The following KCP variants were observed in gnomAD, a reference collection of about 807,000 sequenced individuals.
The protein encoded by KCP is kielin cysteine rich BMP regulator, also known as kielin/chordin-like protein.
KCP carries 194 observed loss-of-function variants against 212.7 expected under a neutral mutation model. The observed-to-expected ratio is 0.91, with a 90% CI of 0.81 to 1.03. The LOEUF (loss-of-function observed/expected upper bound fraction) is 1.03, where lower values mean the gene tolerates loss of function less well. Ranked by LOEUF, KCP falls within the 50% of genes least tolerant of loss-of-function variation. The pLI is 0.00. For missense variants in KCP, 2,080 were observed against 2,162.5 expected (o/e 0.96, Z 0.76); for synonymous variants, 833 against 865.3 (o/e 0.96, Z 0.65).
At chr7:128,878,239 G>A (rs2128943905) in intron 38 of KCP, among the ~76,000 whole-genome samples, 1 of 152,092 alleles carries the variant, frequency 6.6e-6, no homozygotes. Flanking sequence ...TGTATTTTTA[G>A]TAGAGATGGG....
At chr7:128,878,216 G>T (rs1476040385) in intron 38 of KCP, among the ~76,000 whole-genome samples, 3 of 151,996 alleles carry the variant, frequency 2.0e-5, no homozygotes, top group Admixed American at 6.6e-5. Context: ...GCACCACCAG[G>T]CTGGGCTAAT....
rs1050930100 is a variant in KCP, at chr7:128,880,079, C to T, written c.3766G>A (p.Ala1256Thr). Residue 1256 changes from alanine (A) to threonine (T), a missense_variant, in exon 35 of 40, where the codon GCC becomes ACC. Coordinates refer to ENST00000610776, the MANE Select transcript of KCP (RefSeq NM_001366122.1). ...CAGCTGCCAGGACTCAGGGCAGGGG[C>T]CTTGTCCTGCACTCAGCCCCAGACA... ...CSPLSCGPDK[A>T]PALSPGSCCP... is the part of the protein sequence containing the mutation. The T allele has an allele frequency of 7.8e-6, 12 of 1,538,832 alleles. No individual in the cohort carries two copies. The highest frequency in any genetic ancestry group is 9.6e-6 in the Non-Finnish European group (11 of 1,142,242).
At position 128,886,495 on chromosome 7, in the gene KCP, G is replaced by A. The variant is rs75892815; in HGVS notation, c.2835C>T (p.Thr945=). ...CPPLPCKLQV[T]ERGSCCPRCR... is the part of the protein sequence containing the mutation. ...AGCGAGGGCAGCAGCTCCCCCGCTC[G>A]GTGACCTGGAGCTTGCAGGGAAGGG... Residue 945 remains threonine (T), a synonymous_variant, in exon 26 of 40, where the codon ACC becomes ACT. Transcript: ENST00000610776. 0.017 allele frequency: 26,150 copies of A among 1,550,354 alleles called. 280 individuals are homozygous for A. Among genetic ancestry groups the A allele is most frequent in the Non-Finnish European group, 0.019 (22,330 of 1,146,380 alleles).
intron 2 of KCP, 90 bp downstream of exon 2, chr7:128,908,336 G>T: frequency 8.1e-7 from 1 of 1,229,446 alleles, no homozygotes; most frequent in Non-Finnish European, 1.1e-6. Flanking sequence ...CTCTATTTTA[G>T]GCTCCCCCCT....
chr7:128,884,228 G>C (rs1405513277), intron 28 of KCP, 106 bp from the exon 29 acceptor site: 2 of 1,391,684 alleles, frequency 1.4e-6, no homozygotes, highest in South Asian at 2.7e-5. Context: ...CCTCTTCCGG[G>C]ACATGTCTTG....
intron 32 of KCP, 37 bp downstream of exon 32, chr7:128,880,960 C>T (rs1030413512): frequency 1.3e-5 from 5 of 398,772 alleles, no homozygotes; most frequent in East Asian, 7.1e-5. Flanking sequence ...TATCCATCTG[C>T]GAGATCCTCC....
intron 39 of KCP, 81 bp downstream of exon 39, chr7:128,877,403 G>A: frequency 7.2e-6 from 11 of 1,528,692 alleles, no homozygotes; most frequent in Non-Finnish European, 9.7e-6. Context: ...TACCCGGCCT[G>A]GTCCTGCCCT....
At position 128,906,655 on chromosome 7, in the gene KCP, G is replaced by A. The variant is rs540721424; in HGVS notation, c.487-292C>T. Among the ~76,000 whole-genome samples, 13 of 152,268 alleles carry A rather than the reference G, an allele frequency of 8.5e-5. 2 individuals carry two copies. Among genetic ancestry groups the A allele is most frequent in the African/African-American group, 3.1e-4 (13 of 41,546 alleles). The stretch of plus-strand genomic sequence containing the variant: ...CGAAGACTTTCTCAGGGAGGAAGGA[G>A]GAAGGAAAGACTGGGGGAAGGTGGA... On this transcript the variant is annotated intron_variant, in intron 4 of 39. Transcript: ENST00000610776.
At chr7:128,877,380 G>C in intron 39 of KCP, 69 bp from the exon 40 acceptor site, 1 of 1,526,636 alleles carries the variant, frequency 6.6e-7, no homozygotes. Flanking sequence ...GCGTACCCCT[G>C]CGAGACTCGC....
At chr7:128,895,652 A>G (rs1362865853) in intron 8 of KCP, among the ~76,000 whole-genome samples, 1 of 152,254 alleles carries the variant, frequency 6.6e-6, no homozygotes, top group African/African-American at 2.4e-5. Flanking sequence ...TCGGCACAAA[A>G]TACAGATCAT....
chr7:128,880,928 G>A, intron 32 of KCP, 69 bp downstream of exon 32: 1 of 399,052 alleles, frequency 2.5e-6, no homozygotes. Flanking sequence ...TCTGCTGGTG[G>A]AGTGTTGGAC....
intron 18 of KCP, 63 bp downstream of exon 18, chr7:128,891,388 T>G: frequency 6.5e-7 from 1 of 1,545,192 alleles, no homozygotes; most frequent in South Asian, 1.2e-5. Flanking sequence ...GGCGGGCCTC[T>G]CCTGGCCTCT....
Position 128,877,003 on chromosome 7 carries a change from A to G in KCP, c.*40T>C. On this transcript the variant is annotated 3_prime_UTR_variant, in exon 40 of 40. Coordinates refer to ENST00000610776, the MANE Select transcript of KCP (RefSeq NM_001366122.1). ...GGTGGGAACTGCTCGCCAAGGGGAG[A>G]CTCCTGGCCTGATGAACCCTTATCA... 6.6e-7 allele frequency: 1 copy of G among 1,522,212 alleles called. No homozygotes were observed. Among genetic ancestry groups the G allele is most frequent in the Non-Finnish European group, 8.8e-7 (1 of 1,138,670 alleles). 94.3% of individuals were successfully genotyped at this position (1,522,212 alleles called of 1,614,324 possible). A position where few individuals can be genotyped will look rare whatever the true frequency, so the allele number is the denominator to read the frequency against.
rs1373854370 is a variant in KCP, at chr7:128,881,035, G to A, written c.3475C>T (p.Arg1159Trp). The part of the protein sequence containing the change: ...GRRVADGESW[R>W]DPSNACIACT... ...GCGATGCACGCATTGCTGGGGTCCCGCCAGCTCTCTCCATCTGCCACTCTC... is the reference window on the plus strand; with the variant it reads ...GCGATGCACGCATTGCTGGGGTCCCACCAGCTCTCTCCATCTGCCACTCTC... The change falls in exon 32 of 40, where the codon CGG becomes TGG. Residue 1159 changes from arginine to tryptophan, a missense_variant. Arg to Trp is a moderately radical substitution (Grantham distance 101, BLOSUM62 -3). Transcript: ENST00000610776. 1.7e-4 allele frequency: 66 copies of A among 398,812 alleles called. No homozygotes were observed. The East Asian group carries it at 1.9e-3, about 12-fold the overall frequency. The allele number at this position is 398,812 out of a possible 1,614,324, so 24.7% of individuals were successfully genotyped here. A position where few individuals can be genotyped will look rare whatever the true frequency, so the allele number is the denominator to read the frequency against.
chr7:128,888,894 G>A lies in KCP; in HGVS notation c.2481C>T (p.Ile827=), dbSNP rs1298791906. 4 of 1,550,378 alleles carry A rather than the reference G, an allele frequency of 2.6e-6. No individual in the cohort carries two copies. The highest frequency in any genetic ancestry group is 3.5e-6 in the Non-Finnish European group (4 of 1,146,794). Residue 827 remains isoleucine (I), a synonymous_variant, in exon 22 of 40, where the codon ATC becomes ATT. Transcript: ENST00000610776. The stretch of plus-strand genomic sequence containing the variant: ...AGGTCGGGCAGCAGTGCCCAGAGGG[G>A]ATGAGTGGGTGGCTGCAGCCCGGAG... ...CEPPGCSHPL[I]PSGHCCPTCQ...
At chr7:128,877,430 C>T in intron 39 of KCP, 54 bp downstream of exon 39, 1 of 1,540,516 alleles carries the variant, frequency 6.5e-7, no homozygotes, top group Middle Eastern at 1.9e-4. Flanking sequence ...TCCGGGCTGC[C>T]CTTCTTCTCT....
In KCP at chr7:128,883,904, AG is replaced by A; in HGVS notation, c.3244+97del. 2.1e-6 allele frequency: 3 copies of A among 1,401,044 alleles called. No homozygotes were observed. The South Asian group carries it at 4.3e-5, about 20-fold the overall frequency. The allele number at this position is 1,401,044 out of a possible 1,614,324, so 86.8% of individuals were successfully genotyped here. Reference sequence around the variant, plus strand: ...ATAGGGTTCCAGAACAGTCCACTGGAGTCAGGAAGAATCTGGGGCTGGGACT... The same window carrying A: ...ATAGGGTTCCAGAACAGTCCACTGGATCAGGAAGAATCTGGGGCTGGGACT... On this transcript the variant is annotated intron_variant, in intron 29 of 39. Coordinates refer to ENST00000610776, the MANE Select transcript of KCP (RefSeq NM_001366122.1).
chr7:128,885,996 TA>T (rs1265460166), intron 26 of KCP, among the ~76,000 whole-genome samples: 1 of 152,208 alleles, frequency 6.6e-6, no homozygotes, highest in Non-Finnish European at 1.5e-5. Context: ...GAATGTCAGG[TA>T]TCTTGATGAT....
chr7:128,891,754 G>C lies in KCP; in HGVS notation c.1687C>G (p.Gln563Glu), dbSNP rs1159720647. ...TGGCCTTCCTGGCATCGGCACTCCTGGCAGGGGTCTCGGGGGTGGGAGAAG... is the reference window on the plus strand; with the variant it reads ...TGGCCTTCCTGGCATCGGCACTCCTCGCAGGGGTCTCGGGGGTGGGAGAAG... ...ESFSHPRDPC[Q>E]ECRCQEGHAH... The change falls in exon 17 of 40, where the codon CAG (glutamine) becomes GAG (glutamate). Residue 563 changes from glutamine (Q) to glutamate (E), a missense_variant. Transcript: ENST00000610776. 6.9e-7 allele frequency: 1 copy of C among 1,450,660 alleles called. No homozygotes were observed. The highest frequency in any genetic ancestry group is 1.4e-5 in the African/African-American group (1 of 69,502). 89.9% of individuals were successfully genotyped at this position (1,450,660 alleles called of 1,614,324 possible). A position where few individuals can be genotyped will look rare whatever the true frequency, so the allele number is the denominator to read the frequency against.
Sources: allele counts gnomAD v4.1 joint callset (sites outside exome capture counted in the v4.1 genomes callset), GRCh38; gene constraint gnomAD v4.1.1; transcripts MANE v1.5; gene names NCBI Gene and HGNC (gene_info 2026-07-23, HGNC 2026-07-21).